The following ARFGEF3 variants were observed in gnomAD, a reference collection of about 807,000 sequenced individuals.
ARFGEF3 encodes ARFGEF family member 3.
In ARFGEF3, 96 loss-of-function variants were observed where a neutral mutation model predicts 221.7. The ratio of observed to expected loss-of-function variants is 0.43; its 90% confidence interval spans 0.37 to 0.51. The LOEUF is 0.51. ARFGEF3 is among the 20% of genes least tolerant of loss of function. ARFGEF3 has a pLI of 0.00. For missense variants in ARFGEF3, 2,410 were observed against 2,789.9 expected, an observed-to-expected ratio of 0.86 and a Z score of 3.07; for synonymous variants, 1,145 against 1,126.8, an observed-to-expected ratio of 1.02 and a Z score of -0.32.
chr6:138,303,864 A>G (rs1454321000), intron 22 of ARFGEF3, among the ~76,000 whole-genome samples: 1 of 131,314 alleles, frequency 7.6e-6, no homozygotes, highest in East Asian at 2.0e-4. Context: ...CCGTCTCAAA[A>G]AAAAAAAAAA....
chr6:138,275,994 AATGTAGAG>A (rs1779089358), intron 12 of ARFGEF3, among the ~76,000 whole-genome samples: 1 of 152,192 alleles, frequency 6.6e-6, no homozygotes, highest in African/African-American at 2.4e-5. Context: ...TGCATGCACA[AATGTAGAG>A]ATGAACTGTT....
intron 1 of ARFGEF3, among the ~76,000 whole-genome samples, chr6:138,165,929 G>A (rs1776715646): frequency 1.3e-5 from 2 of 152,236 alleles, no homozygotes; most frequent in Non-Finnish European, 2.9e-5. Context: ...TGGTTCATGA[G>A]TGTATCCTTG....
At chr6:138,327,927 G>A (rs1780155764) in intron 31 of ARFGEF3, 94 bp from the exon 32 acceptor site, 1 of 943,074 alleles carries the variant, frequency 1.1e-6, no homozygotes, top group Middle Eastern at 2.2e-4. Flanking sequence ...TTTTATAGAT[G>A]AGGCTCAACT....
rs150716081 is a variant in ARFGEF3 at position 138,311,458 on chromosome 6, C to G, written c.4148C>G (p.Pro1383Arg). Residue 1383 changes from proline (P) to arginine (R), a missense_variant, in exon 25 of 34, where the codon CCG becomes CGG. By Grantham distance (103) the Pro-to-Arg change is moderately radical. Around this residue, in one of 5 missense-constraint regions of ARFGEF3, gnomAD observed 723 missense variants for 991.9 expected, o/e 0.73. Transcript: ENST00000251691. ...GACTGTGCCCCAGCACCCGGAGCCC[C>G]GTCCACAGACCTGTGCCTCCCGGCC... ...IGDCAPAPGA[P>R]STDLCLPALD... 1.2e-6 allele frequency: 2 copies of G among 1,608,696 alleles called. No individual in the cohort carries two copies. Among genetic ancestry groups the G allele is most frequent in the African/African-American group, 2.7e-5 (2 of 74,976 alleles).
At chr6:138,258,268 G>A (rs907664277) in intron 10 of ARFGEF3, among the ~76,000 whole-genome samples, 1 of 152,158 alleles carries the variant, frequency 6.6e-6, no homozygotes, top group Non-Finnish European at 1.5e-5. Context: ...CCTTATTCCT[G>A]TGGGTCACTC....
chr6:138,312,859 G>A (rs1014124945), intron 25 of ARFGEF3, among the ~76,000 whole-genome samples: 8 of 152,076 alleles, frequency 5.3e-5, no homozygotes, highest in African/African-American at 1.4e-4. Context: ...ACAGGCATGC[G>A]CCACCACACC....
At chr6:138,317,798 A>G (rs1189061861) in intron 27 of ARFGEF3, among the ~76,000 whole-genome samples, 1 of 152,172 alleles carries the variant, frequency 6.6e-6, no homozygotes, top group Non-Finnish European at 1.5e-5. Context: ...AATATAAACC[A>G]CTTTCAGCTA....
At chr6:138,172,212 G>A (rs543995299) in intron 2 of ARFGEF3, among the ~76,000 whole-genome samples, 7 of 152,294 alleles carry the variant, frequency 4.6e-5, no homozygotes, top group African/African-American at 1.2e-4. Context: ...GTGCAGCTGG[G>A]ATGTCCAGCA....
chr6:138,165,044 C>T (rs1776697113), intron 1 of ARFGEF3, among the ~76,000 whole-genome samples: 1 of 150,866 alleles, frequency 6.6e-6, no homozygotes, highest in South Asian at 2.1e-4. Context: ...AGGGGTCATC[C>T]TCACTTAGAC....
chr6:138,283,309 T>C (rs1020760184), intron 14 of ARFGEF3, among the ~76,000 whole-genome samples: 6 of 152,346 alleles, frequency 3.9e-5, no homozygotes, highest in African/African-American at 1.4e-4. Flanking sequence ...AAAGGAGTCA[T>C]TCAGTACATG....
At chr6:138,286,278 G>A (rs1004068579) in intron 15 of ARFGEF3, among the ~76,000 whole-genome samples, 2 of 152,004 alleles carry the variant, frequency 1.3e-5, no homozygotes, top group South Asian at 2.1e-4. Flanking sequence ...GTGAAACCAC[G>A]TCTCTACTAA....
intron 12 of ARFGEF3, among the ~76,000 whole-genome samples, chr6:138,268,519 C>G (rs1233128864): frequency 6.6e-6 from 1 of 152,102 alleles, no homozygotes; most frequent in Non-Finnish European, 1.5e-5. Flanking sequence ...TTCAGGAGAG[C>G]CTTTCTTTTC....
intron 8 of ARFGEF3, among the ~76,000 whole-genome samples, chr6:138,247,304 G>A (rs1051900923): frequency 2.0e-5 from 3 of 152,130 alleles, no homozygotes; most frequent in Non-Finnish European, 4.4e-5. Context: ...CAACTGCAGC[G>A]ACCCCATCTG....
intron 2 of ARFGEF3, among the ~76,000 whole-genome samples, chr6:138,201,203 A>C (rs1373536440): frequency 6.6e-6 from 1 of 152,194 alleles, no homozygotes; most frequent in African/African-American, 2.4e-5. Flanking sequence ...ATCAGGGAAC[A>C]CTTCTACACT....
chr6:138,248,864 A>G (rs9389574), intron 8 of ARFGEF3, among the ~76,000 whole-genome samples: 32,306 of 152,092 alleles, frequency 0.21, 5,398 homozygotes, highest in African/African-American at 0.45. Context: ...CTAGCCAGCA[A>G]GATAAGGCAG....
intron 21 of ARFGEF3, among the ~76,000 whole-genome samples, chr6:138,298,382 T>C (rs909918069): frequency 6.6e-6 from 1 of 152,240 alleles, no homozygotes; most frequent in Admixed American, 6.5e-5. Flanking sequence ...TTCCTTTTTC[T>C]AGAAACATTA....
intron 31 of ARFGEF3, among the ~76,000 whole-genome samples, chr6:138,324,548 G>GAACTT (rs1251228054): frequency 6.6e-6 from 1 of 152,140 alleles, no homozygotes; most frequent in East Asian, 1.9e-4. Context: ...TCACAACACA[G>GAACTT]AACTTAACAT....
At chr6:138,323,428 A>G (rs1045054989) in intron 29 of ARFGEF3, among the ~76,000 whole-genome samples, 7 of 152,142 alleles carry the variant, frequency 4.6e-5, no homozygotes, top group Non-Finnish European at 8.8e-5. Context: ...CCTGACCAAC[A>G]TGGAGAAACC....
In ARFGEF3 at chr6:138,285,432, C is replaced by T. The variant is rs144196999; in HGVS notation, c.2462-514C>T. ...TCACGCCACTGCACTCCAGCCTGGG[C>T]GACAGAGTGAGACTCCCGTCTCAAA... On this transcript the variant is annotated intron_variant, in intron 14 of 33. Transcript: ENST00000251691. Among the ~76,000 whole-genome samples, 802 of 143,366 alleles carry T rather than the reference C, an allele frequency of 5.6e-3. 7 individuals carry two copies. The highest frequency in any genetic ancestry group is 0.02 in the African/African-American group (757 of 38,170). 94.1% of individuals were successfully genotyped at this position (143,366 alleles called of 152,430 possible). A position where few individuals can be genotyped will look rare whatever the true frequency, so the allele number is the denominator to read the frequency against.
Sources: allele counts gnomAD v4.1 joint callset (sites outside exome capture counted in the v4.1 genomes callset), GRCh38; gene constraint gnomAD v4.1.1; regional missense constraint gnomAD v4.1.1; transcripts MANE v1.5; gene names NCBI Gene and HGNC (gene_info 2026-07-23, HGNC 2026-07-21).